Variants in N4BP2 observed in about 807,000 individuals in gnomAD.
N4BP2 encodes NEDD4 binding protein 2.
A neutral mutation model predicts 152.8 loss-of-function variants in N4BP2; 91 were observed. The observed-to-expected ratio is 0.60, with a 90% confidence interval of 0.50 to 0.71. The LOEUF is 0.71. Among genes scored for constraint, N4BP2 ranks in the 30% least tolerant of loss-of-function variants. The pLI is 0.00. For synonymous variants in N4BP2, 646 were observed against 705.3 expected, an observed-to-expected ratio of 0.92 and a Z score of 1.33; for missense variants, 1,923 against 2,059.1, an observed-to-expected ratio of 0.93 and a Z score of 1.28.
At chr4:40,058,305 G>A (rs79256619) in intron 1 of N4BP2, among the ~76,000 whole-genome samples, 8,092 of 152,108 alleles carry the variant, frequency 0.053, 276 homozygotes, top group Non-Finnish European at 0.067. Flanking sequence ...CGTGTGTTCT[G>A]TGTTTTGATA....
chr4:40,097,629 CA>C (rs1560589098), intron 3 of N4BP2, 60 bp downstream of exon 3: 3 of 937,934 alleles, frequency 3.2e-6, no homozygotes, highest in Admixed American at 2.0e-5. Context: ...TGTACTATGC[CA>C]TGATTAATAG....
At position 40,156,942 on chromosome 4, in the gene N4BP2, C is replaced by G. The variant is rs6824580; in HGVS notation, c.*2705C>G. On this transcript the variant is annotated 3_prime_UTR_variant, in exon 18 of 18. Coordinates refer to ENST00000261435, the MANE Select transcript of N4BP2 (RefSeq NM_018177.6). Reference sequence around the variant, plus strand: ...GCATTTTGAGTAGGGGATACTCACTCAACCTGTATATTTGTGCTAATACAT... The same window carrying G: ...GCATTTTGAGTAGGGGATACTCACTGAACCTGTATATTTGTGCTAATACAT... The G allele has an allele frequency of 0.3, 45,250 of 151,992 alleles. 7,261 individuals are homozygous for G. The highest frequency in any genetic ancestry group is 0.44 in the East Asian group (2,276 of 5,174). The allele number at this position is 151,992 out of a possible 1,614,324, so 9.4% of individuals were successfully genotyped here. A position where few individuals can be genotyped will look rare whatever the true frequency, so the allele number is the denominator to read the frequency against.
chr4:40,065,545 C>T (rs2664198), intron 1 of N4BP2, among the ~76,000 whole-genome samples: 1 of 152,072 alleles, frequency 6.6e-6, no homozygotes. Flanking sequence ...CAGAAAAAAA[C>T]CAGTAAATGC....
chr4:40,057,323 C>T (rs1406342221), intron 1 of N4BP2: 1 of 152,498 alleles, frequency 6.6e-6, no homozygotes, highest in Non-Finnish European at 1.5e-5. Context: ...CTCCGAGTGC[C>T]TGGCGGGCCT....
At chr4:40,159,052 A>G (rs1323942712), downstream of N4BP2, among the ~76,000 whole-genome samples, 2 of 152,220 alleles carry the variant, frequency 1.3e-5, no homozygotes, top group Non-Finnish European at 2.9e-5. Flanking sequence ...AGAGAATTTT[A>G]TTACATAGGT....
At chr4:40,059,885 G>C (rs1733522159) in intron 1 of N4BP2, among the ~76,000 whole-genome samples, 1 of 152,194 alleles carries the variant, frequency 6.6e-6, no homozygotes, top group Admixed American at 6.5e-5. Context: ...CAGAGACTGA[G>C]AAGTATTAAG....
chr4:40,149,653 G>A (rs1720954979), intron 16 of N4BP2, among the ~76,000 whole-genome samples: 1 of 152,138 alleles, frequency 6.6e-6, no homozygotes, highest in Non-Finnish European at 1.5e-5. Flanking sequence ...CCAGCACTTT[G>A]GGAGGCCGAG....
At chr4:40,062,078 C>CTTTTTTTTTTTTT (rs71194968) in intron 1 of N4BP2, among the ~76,000 whole-genome samples, 3 of 132,386 alleles carry the variant, frequency 2.3e-5, no homozygotes, top group Non-Finnish European at 4.6e-5. Flanking sequence ...TTTTTGGTTA[C>CTTTTTTTTTTTTT]TTTTTTTTTT....
chr4:40,072,012 A>T (rs1712237147), intron 1 of N4BP2, among the ~76,000 whole-genome samples: 1 of 152,000 alleles, frequency 6.6e-6, no homozygotes, highest in South Asian at 2.1e-4. Context: ...GGTTCAAGCG[A>T]TTCTCATGCG....
At chr4:40,118,314 G>A (rs1469880344) in intron 8 of N4BP2, among the ~76,000 whole-genome samples, 1 of 152,170 alleles carries the variant, frequency 6.6e-6, no homozygotes, top group African/African-American at 2.4e-5. Context: ...TGCTTGGGAG[G>A]CTGAGGTAGG....
intron 16 of N4BP2, among the ~76,000 whole-genome samples, chr4:40,147,454 G>A (rs1487519062): frequency 1.3e-5 from 2 of 151,484 alleles, no homozygotes; most frequent in East Asian, 2.0e-4. Flanking sequence ...GGTGGTGGCC[G>A]GGCAGAGGGG....
the N4BP2 span, among the ~76,000 whole-genome samples, chr4:40,188,036 G>A: frequency 4.2e-3 from 645 of 152,210 alleles, 5 homozygotes; most frequent in Middle Eastern, 0.031. Context: ...GAGGAGGGAG[G>A]AAAAACAACA....
intron 12 of N4BP2, among the ~76,000 whole-genome samples, chr4:40,128,455 C>T (rs935155330): frequency 6.6e-6 from 1 of 152,040 alleles, no homozygotes. Flanking sequence ...TTCAGTAGAT[C>T]TTAAAATTTT....
rs985501038 is a variant in N4BP2 at position 40,084,830 on chromosome 4, A to G, written c.-115+11279A>G. Among the ~76,000 whole-genome samples, 19 of 149,530 alleles carry G rather than the reference A, an allele frequency of 1.3e-4. No individual in the cohort carries two copies. In the Admixed American group the frequency reaches 1.3e-3, roughly 10 times the overall value. On this transcript the variant is annotated intron_variant, in intron 2 of 17. Coordinates refer to ENST00000261435, the MANE Select transcript of N4BP2 (RefSeq NM_018177.6). ...GGGTTTCTCCATATTGGTCAGGCTC[A>G]TCTTGAACTCCCGACCTCAGGTGAT...
intron 14 of N4BP2, among the ~76,000 whole-genome samples, chr4:40,138,962 A>G (rs1440427323): frequency 6.6e-6 from 1 of 152,236 alleles, no homozygotes; most frequent in Non-Finnish European, 1.5e-5. Context: ...ATTTCTGCAA[A>G]GAAGCCAGCT....
chr4:40,117,604 C>T (rs1254400969), intron 7 of N4BP2, among the ~76,000 whole-genome samples: 1 of 152,164 alleles, frequency 6.6e-6, no homozygotes, highest in Non-Finnish European at 1.5e-5. Context: ...TGAGTGAAAA[C>T]ACAAACAACT....
chr4:40,106,383 C>T (rs1292161708), intron 4 of N4BP2, among the ~76,000 whole-genome samples: 1 of 151,960 alleles, frequency 6.6e-6, no homozygotes, highest in Non-Finnish European at 1.5e-5. Flanking sequence ...GTGGTGCAAC[C>T]TTGGCTCACT....
intron 1 of N4BP2, among the ~76,000 whole-genome samples, chr4:40,062,420 G>A (rs547620632): frequency 6.6e-5 from 10 of 152,138 alleles, no homozygotes; most frequent in South Asian, 6.2e-4. Flanking sequence ...GTTGTTGCAC[G>A]AGCCTCCTAA....
chr4:40,134,873 CTT>C (rs1719215198), intron 13 of N4BP2, among the ~76,000 whole-genome samples: 1 of 149,674 alleles, frequency 6.7e-6, no homozygotes, highest in Non-Finnish European at 1.5e-5. Flanking sequence ...TTCTTTCTCT[CTT>C]TCTTCCTTCC....
Sources: gnomAD v4.1 joint callset for allele counts (sites outside exome capture counted in the v4.1 genomes callset) on GRCh38, gnomAD v4.1.1 for gene constraint, MANE v1.5 for transcripts, NCBI Gene and HGNC (gene_info 2026-07-23, HGNC 2026-07-21) for gene names.